SIK2: variants seen among roughly 807,000 people sequenced by gnomAD.
SIK2 encodes the protein serine/threonine-protein kinase SIK2.
In SIK2, 29 loss-of-function variants were observed where a neutral mutation model predicts 103.2. The ratio of observed to expected loss-of-function variants is 0.28; its 90% CI spans 0.21 to 0.38. The LOEUF is 0.38. Ranked by LOEUF, SIK2 falls within the 10% of genes least tolerant of loss-of-function variation. SIK2 has a pLI of 1.00. For synonymous variants in SIK2, 412 were observed against 446.1 expected (o/e 0.92, Z 0.96); for missense variants, 879 against 1,171.0 (o/e 0.75, Z 3.64).
intron 3 of SIK2, among the ~76,000 whole-genome samples, chr11:111,670,345 A>G (rs1942608661): frequency 1.3e-5 from 2 of 152,256 alleles, no homozygotes; most frequent in Admixed American, 6.5e-5. Flanking sequence ...CATCTGCATG[A>G]TTAAATTTTC....
chr11:111,654,112 T>C (rs1356038979), intron 3 of SIK2, among the ~76,000 whole-genome samples: 1 of 152,262 alleles, frequency 6.6e-6, no homozygotes, highest in Non-Finnish European at 1.5e-5. Context: ...TTTTCTGCTC[T>C]ATAGCAGTGG....
At chr11:111,708,541 TA>T (rs1314987033) in intron 8 of SIK2, among the ~76,000 whole-genome samples, 6 of 152,168 alleles carry the variant, frequency 3.9e-5, no homozygotes, top group South Asian at 2.1e-4. Context: ...AAATACGTCA[TA>T]TTTTTTTCTC....
chr11:111,617,758 T>C (rs1456565528), intron 2 of SIK2, among the ~76,000 whole-genome samples: 2 of 152,116 alleles, frequency 1.3e-5, no homozygotes, highest in African/African-American at 4.8e-5. Context: ...TTTTATAATG[T>C]ACATAATATT....
intron 3 of SIK2, among the ~76,000 whole-genome samples, chr11:111,655,747 T>C (rs1942383766): frequency 6.6e-6 from 1 of 152,194 alleles, no homozygotes; most frequent in African/African-American, 2.4e-5. Flanking sequence ...TATTTTACAA[T>C]TCTATAAACT....
chr11:111,647,782 G>A (rs1412405202), intron 3 of SIK2, among the ~76,000 whole-genome samples: 1 of 150,860 alleles, frequency 6.6e-6, no homozygotes, highest in Non-Finnish European at 1.5e-5. Flanking sequence ...GCAGGAGAAT[G>A]GCATGAACCT....
At position 111,727,042 on chromosome 11, in the gene SIK2, A is replaced by G; in HGVS notation, c.*2913A>G. 6.2e-7 allele frequency: 1 copy of G among 1,614,014 alleles called. No individual in the cohort carries two copies. Among genetic ancestry groups the G allele is most frequent in the Non-Finnish European group, 8.5e-7 (1 of 1,179,964 alleles). On this transcript the variant is annotated 3_prime_UTR_variant, in exon 15 of 15. Transcript: ENST00000304987. ...AGTGTGTCTCTAGTATCTCCACGCA[A>G]CTGATACACTGGTCCCTGTAAGGCA...
intron 2 of SIK2, among the ~76,000 whole-genome samples, chr11:111,619,045 T>C (rs962005740): frequency 6.6e-6 from 1 of 152,212 alleles, no homozygotes; most frequent in Non-Finnish European, 1.5e-5. Context: ...CCATTGTTTT[T>C]TTAATTCCTG....
At chr11:111,678,304 C>A (rs1387348728) in intron 3 of SIK2, among the ~76,000 whole-genome samples, 2 of 152,182 alleles carry the variant, frequency 1.3e-5, no homozygotes. Flanking sequence ...TATTCATTGT[C>A]TTTTTCTCCA....
At position 111,726,634 on chromosome 11, in the gene SIK2, G is replaced by A. The variant is rs1943977100; in HGVS notation, c.*2505G>A. ...GTCAGTCAGGTGTTTGCTCAGCCCT[G>A]TCTGATCACCTGTGCTGCTCTGTCC... On this transcript the variant is annotated 3_prime_UTR_variant, in exon 15 of 15. Coordinates refer to ENST00000304987, the MANE Select transcript of SIK2 (RefSeq NM_015191.3). 1.0e-5 allele frequency: 3 copies of A among 298,676 alleles called. No individual in the cohort carries two copies. The South Asian group carries it at 2.0e-4, about 20-fold the overall frequency. 18.5% of individuals were successfully genotyped at this position (298,676 alleles called of 1,614,324 possible).
At chr11:111,698,513 G>T (rs575656038) in intron 4 of SIK2, among the ~76,000 whole-genome samples, 4 of 152,196 alleles carry the variant, frequency 2.6e-5, no homozygotes, top group Admixed American at 6.5e-5. Flanking sequence ...AGGCCACAGC[G>T]GGTGGATTGC....
intron 8 of SIK2, among the ~76,000 whole-genome samples, chr11:111,707,007 A>G (rs1024129013): frequency 1.4e-4 from 22 of 152,116 alleles, no homozygotes; most frequent in Non-Finnish European, 2.6e-4. Context: ...AAGTAAAATA[A>G]TGTGTCCATA....
intron 3 of SIK2, among the ~76,000 whole-genome samples, chr11:111,630,994 T>C (rs893129911): frequency 6.6e-6 from 1 of 152,030 alleles, no homozygotes; most frequent in Admixed American, 6.6e-5. Context: ...GAAAAGAATG[T>C]AGGCAGGAAG....
intron 4 of SIK2, among the ~76,000 whole-genome samples, chr11:111,698,616 C>T (rs1235450986): frequency 6.6e-6 from 1 of 152,166 alleles, no homozygotes; most frequent in African/African-American, 2.4e-5. Context: ...GTGGAGCACA[C>T]CTGTGCTACT....
intron 3 of SIK2, among the ~76,000 whole-genome samples, chr11:111,645,041 G>A (rs1312412863): frequency 6.6e-6 from 1 of 152,120 alleles, no homozygotes; most frequent in African/African-American, 2.4e-5. Flanking sequence ...CTCTCATGGA[G>A]GTATAATAGA....
Position 111,688,313 on chromosome 11 carries a change from G to T in SIK2, c.478+151G>T. 1.3e-6 allele frequency: 1 copy of T among 765,534 alleles called. No individual in the cohort carries two copies. 47.4% of individuals were successfully genotyped at this position (765,534 alleles called of 1,614,324 possible). On this transcript the variant is annotated intron_variant, in intron 4 of 14. Coordinates refer to ENST00000304987, the MANE Select transcript of SIK2 (RefSeq NM_015191.3). The surrounding 1 kb of genome is among the most constrained non-coding windows in gnomAD (Gnocchi z 4.2). ...CCATTTTATTCATTTCCTTAGTTCTGTGTGTAATTAAAAGTAAGGGAATGA... is the reference window on the plus strand; with the variant it reads ...CCATTTTATTCATTTCCTTAGTTCTTTGTGTAATTAAAAGTAAGGGAATGA...
At position 111,610,465 on chromosome 11, in the gene SIK2, G is replaced by A. The variant is rs528522670; in HGVS notation, c.136-5778G>A. Among the ~76,000 whole-genome samples the A allele has an allele frequency of 1.3e-4, 19 of 148,492 alleles. No individual in the cohort carries two copies. The East Asian group carries it at 3.7e-3, about 29-fold the overall frequency. On this transcript the variant is annotated intron_variant, in intron 1 of 14. Coordinates refer to ENST00000304987, the MANE Select transcript of SIK2 (RefSeq NM_015191.3). ...GAGATCGCACCACTGCACTCCAGCA[G>A]TGACAGAGCAAGACTCTGTCTAAAA...
chr11:111,653,671 T>C (rs746077138), intron 3 of SIK2, among the ~76,000 whole-genome samples: 81 of 152,156 alleles, frequency 5.3e-4, no homozygotes, highest in Non-Finnish European at 2.1e-4. Flanking sequence ...CATTAAACAG[T>C]GAGAAATGGT....
chr11:111,645,885 AT>A (rs1942249372), intron 3 of SIK2, among the ~76,000 whole-genome samples: 1 of 151,776 alleles, frequency 6.6e-6, no homozygotes, highest in South Asian at 2.1e-4. Context: ...GGAAGTTGTG[AT>A]TAGAAAGGGA....
At chr11:111,673,771 A>G (rs1242557893) in intron 3 of SIK2, among the ~76,000 whole-genome samples, 2 of 152,102 alleles carry the variant, frequency 1.3e-5, no homozygotes, top group African/African-American at 4.8e-5. Context: ...ATTAATGTTG[A>G]ATTAAAAAGC....
Sources: gnomAD v4.1 joint callset for allele counts (sites outside exome capture counted in the v4.1 genomes callset) on GRCh38, gnomAD v4.1.1 for gene constraint, Gnocchi (gnomAD v3.1) non-coding constraint, MANE v1.5 for transcripts, NCBI Gene and HGNC (gene_info 2026-07-23, HGNC 2026-07-21) for gene names.